Variants in TAF6L observed in about 807,000 individuals in gnomAD.
TAF6L encodes TAF6-like RNA polymerase II p300/CBP-associated factor-associated factor 65 kDa subunit 6L.
A neutral mutation model predicts 57.3 loss-of-function variants in TAF6L; 34 were observed. The ratio of observed to expected loss-of-function variants is 0.59; its 90% CI spans 0.45 to 0.79. The LOEUF (loss-of-function observed/expected upper bound fraction) is 0.79. Ranked by LOEUF, TAF6L falls within the 30% of genes least tolerant of loss-of-function variation. The pLI, the probability that TAF6L is intolerant of heterozygous loss-of-function variation, is 0.00. For synonymous variants in TAF6L, 417 were observed against 376.3 expected (o/e 1.11, Z -1.25); for missense variants, 782 against 853.2 (o/e 0.92, Z 1.04).
chr11:62,780,826 A>G (rs1027361013), intron 6 of TAF6L, among the ~76,000 whole-genome samples: 6 of 150,908 alleles, frequency 4.0e-5, no homozygotes, highest in Non-Finnish European at 7.4e-5. Context: ...AATCCTAGCT[A>G]CTTGCGAGGC....
At position 62,786,651 on chromosome 11, in the gene TAF6L, G is replaced by A; in HGVS notation, c.1224G>A (p.Gly408=). ...TTCTCTTTCAAGAGTCGTCCTCCGG[G>A]GGCGGTGCAGAACCCAGCTTTGGGT... is the stretch of plus-strand genomic sequence containing the variant. ...DSLLFQESSS[G]GGAEPSFGSG... is the part of the protein sequence containing the mutation. The change falls in exon 11 of 11, where the codon GGG becomes GGA. Residue 408 remains glycine (G), a synonymous_variant. Coordinates refer to ENST00000294168, the MANE Select transcript of TAF6L (RefSeq NM_006473.4). The A allele has an allele frequency of 1.2e-6, 2 of 1,605,220 alleles. No homozygotes were observed. Among genetic ancestry groups the A allele is most frequent in the East Asian group, 2.2e-5 (1 of 44,790 alleles).
intron 9 of TAF6L, among the ~76,000 whole-genome samples, chr11:62,784,839 TCTG>T (rs1192297300): frequency 6.6e-6 from 1 of 152,180 alleles, no homozygotes; most frequent in Non-Finnish European, 1.5e-5. Flanking sequence ...TACTTGTGGG[TCTG>T]CTAAATTTTA....
intron 1 of TAF6L, 27 bp downstream of exon 1, chr11:62,771,517 G>A (rs928821551): frequency 6.3e-6 from 1 of 158,418 alleles, no homozygotes; most frequent in African/African-American, 2.4e-5. Flanking sequence ...CTGGTCCAAG[G>A]ACTCCCCATT....
chr11:62,775,678 G>A (rs952932404), intron 1 of TAF6L, 93 bp from the exon 2 acceptor site: 27 of 1,401,558 alleles, frequency 1.9e-5, no homozygotes, highest in African/African-American at 2.9e-5. Flanking sequence ...TCCAGAGCAC[G>A]AGCAGCAAGG....
intron 9 of TAF6L, among the ~76,000 whole-genome samples, chr11:62,784,883 CAT>C (rs2084258775): frequency 4.6e-5 from 7 of 152,178 alleles, no homozygotes; most frequent in Admixed American, 4.6e-4. Context: ...TGAAATTAAA[CAT>C]GTTTCCTCTC....
At chr11:62,778,721 T>G (rs2084205045) in intron 5 of TAF6L, 148 bp from the exon 6 acceptor site, 1 of 712,206 alleles carries the variant, frequency 1.4e-6, no homozygotes, top group East Asian at 2.5e-5. Flanking sequence ...CTGAGCAGGC[T>G]CTAAGAGCAG....
chr11:62,775,882 G>A lies in TAF6L; in HGVS notation c.99G>A (p.Ala33=), dbSNP rs199626008. ...GCCTGGAGCTGAGCGATGAGGTGGC[G>A]GCGCTGCTCGCAGAGGACGTGTGCT... is the stretch of plus-strand genomic sequence containing the variant. The part of the protein sequence containing the change: ...STGLELSDEV[A]ALLAEDVCYR... Residue 33 remains alanine (A), a synonymous_variant, in exon 2 of 11, where the codon GCG becomes GCA. Coordinates refer to ENST00000294168, the MANE Select transcript of TAF6L (RefSeq NM_006473.4). 2.0e-5 allele frequency: 32 copies of A among 1,613,990 alleles called. No individual in the cohort carries two copies. The highest frequency in any genetic ancestry group is 2.3e-5 in the Non-Finnish European group (27 of 1,179,996).
In TAF6L at chr11:62,786,812, C is replaced by T. The variant is rs753688533; in HGVS notation, c.1385C>T (p.Ala462Val). ...ACACGCTTTGGCACCGGCCAGCCTG[C>T]ACCCACGGCTCCGCGGCCGCCCGGG... Reference protein sequence around the residue: ...LATRFGTGQPAPTAPRPPGDK... With the variant: ...LATRFGTGQPVPTAPRPPGDK... Residue 462 changes from alanine (A) to valine (V), a missense_variant, in exon 11 of 11, where the codon GCA becomes GTA. By Grantham distance (64) the Ala-to-Val change is moderately conservative (BLOSUM62 0). Coordinates refer to ENST00000294168, the MANE Select transcript of TAF6L (RefSeq NM_006473.4). The T allele has an allele frequency of 3.1e-6, 5 of 1,607,764 alleles. No homozygotes were observed. Among genetic ancestry groups the T allele is most frequent in the East Asian group, 2.2e-5 (1 of 44,776 alleles).
At chr11:62,775,966 C>A (rs1427510966) in intron 2 of TAF6L, 36 bp downstream of exon 2, 4 of 1,570,802 alleles carry the variant, frequency 2.5e-6, no homozygotes, top group African/African-American at 2.7e-5. Flanking sequence ...CTCCAACTTT[C>A]CTTGTTTCTG....
chr11:62,786,719 C>A lies in TAF6L; in HGVS notation c.1292C>A (p.Pro431His). 5 of 1,613,084 alleles carry A rather than the reference C, an allele frequency of 3.1e-6. No homozygotes were observed. The highest frequency in any genetic ancestry group is 4.2e-6 in the Non-Finnish European group (5 of 1,179,800). ...LPPGGAGPEDPSLSVTLADIY... is the reference protein window; with the variant it reads ...LPPGGAGPEDHSLSVTLADIY... ...CCAGGGGGCGCGGGGCCGGAGGACCCTTCTCTTTCGGTGACCCTGGCCGAC... is the reference window on the plus strand; with the variant it reads ...CCAGGGGGCGCGGGGCCGGAGGACCATTCTCTTTCGGTGACCCTGGCCGAC... Residue 431 changes from proline (P) to histidine (H), a missense_variant, in exon 11 of 11, where the codon CCT becomes CAT. By Grantham distance (77) the Pro-to-His change is moderately conservative. Around this residue, in one of 3 missense-constraint regions of TAF6L, gnomAD observed 483 missense variants for 445.1 expected, o/e 1.09. Coordinates refer to ENST00000294168, the MANE Select transcript of TAF6L (RefSeq NM_006473.4).
chr11:62,782,369 T>C, intron 8 of TAF6L, 36 bp downstream of exon 8: 1 of 1,599,910 alleles, frequency 6.3e-7, no homozygotes, highest in Non-Finnish European at 8.5e-7. Flanking sequence ...GTGGGATTGC[T>C]GCAGAGCCAA....
At chr11:62,786,432 A>C (rs2084276315) in intron 10 of TAF6L, 44 bp downstream of exon 10, 3 of 1,600,720 alleles carry the variant, frequency 1.9e-6, no homozygotes, top group South Asian at 2.2e-5. Flanking sequence ...GCATGAGCTT[A>C]GCAGCCAAGC....
chr11:62,783,057 G>A (rs1167750609), intron 9 of TAF6L, among the ~76,000 whole-genome samples: 4 of 152,082 alleles, frequency 2.6e-5, no homozygotes, highest in Non-Finnish European at 4.4e-5. Flanking sequence ...ATTCCTGCCC[G>A]TTCTATATTA....
chr11:62,775,528 C>A, intron 1 of TAF6L: 1 of 431,434 alleles, frequency 2.3e-6, no homozygotes. Context: ...GGTGACAGGG[C>A]AGGAATGGGA....
At chr11:62,772,908 A>G (rs1272302359) in intron 1 of TAF6L, among the ~76,000 whole-genome samples, 1 of 145,810 alleles carries the variant, frequency 6.9e-6, no homozygotes, top group Non-Finnish European at 1.5e-5. Context: ...GACTGAGTTT[A>G]GCTCTGTCAT....
intron 8 of TAF6L, 92 bp downstream of exon 8, chr11:62,782,425 T>C: frequency 7.3e-7 from 1 of 1,377,416 alleles, no homozygotes; most frequent in Admixed American, 2.1e-5. Context: ...GCTTTGAGAG[T>C]CTATGAGAAG....
chr11:62,781,322 A>G (rs2084228029), intron 6 of TAF6L, among the ~76,000 whole-genome samples: 2 of 152,030 alleles, frequency 1.3e-5, no homozygotes, highest in South Asian at 4.1e-4. Context: ...TTACTCTCAT[A>G]AAAACCTAAG....
chr11:62,781,898 C>T lies in TAF6L; in HGVS notation c.536C>T (p.Ala179Val), dbSNP rs1359239221. Residue 179 changes from alanine (A) to valine (V), a missense_variant, in exon 7 of 11, where the codon GCA (alanine) becomes GTA (valine). Physicochemically the swap from Ala to Val is moderately conservative, Grantham distance 64. Transcript: ENST00000294168. ...LGDDPQLMKV[A>V]LQDLQTNSKI... ...AGTCTGGGCCCTTCCTTTTAGGTTG[C>T]ACTCCAGGACTTGCAGACGAACTCC... 1.2e-6 allele frequency: 2 copies of T among 1,614,098 alleles called. No individual in the cohort carries two copies. Among genetic ancestry groups the T allele is most frequent in the African/African-American group, 1.3e-5 (1 of 75,026 alleles).
intron 1 of TAF6L, chr11:62,771,921 A>G (rs2084150860): frequency 2.8e-6 from 1 of 354,108 alleles, no homozygotes; most frequent in Non-Finnish European, 5.6e-6. Flanking sequence ...TGGCGGGTCT[A>G]GGGTCACCAA....
Sources: allele counts gnomAD v4.1 joint callset (sites outside exome capture counted in the v4.1 genomes callset), GRCh38; gene constraint gnomAD v4.1.1; regional missense constraint gnomAD v4.1.1; transcripts MANE v1.5; gene names NCBI Gene and HGNC (gene_info 2026-07-23, HGNC 2026-07-21).